NFAT5: variants seen among roughly 807,000 people sequenced by gnomAD.
NFAT5 encodes nuclear factor of activated T cells 5.
NFAT5 carries 31 observed loss-of-function variants against 166.5 expected under a neutral mutation model. The observed-to-expected ratio is 0.19, with a 90% confidence interval of 0.14 to 0.25. The LOEUF (loss-of-function observed/expected upper bound fraction) is 0.25. Ranked by LOEUF, NFAT5 falls within the 10% of genes least tolerant of loss-of-function variation. NFAT5 has a pLI of 1.00. For missense variants in NFAT5, 1,449 were observed against 1,821.8 expected (o/e 0.80, Z 3.72); for synonymous variants, 612 against 639.7 (o/e 0.96, Z 0.65).
intron 9 of NFAT5, chr16:69,676,980 G>A (rs542745970): frequency 1.6e-5 from 7 of 446,054 alleles, no homozygotes; most frequent in African/African-American, 1.0e-4. Flanking sequence ...AGTTGACAGG[G>A]CAGGGATCTT....
Position 69,566,261 on chromosome 16 carries a change from C to T in NFAT5, c.-41C>T, listed in dbSNP as rs1040437260. On this transcript the variant is annotated 5_prime_UTR_variant, in exon 1 of 15. Coordinates refer to ENST00000349945, the MANE Select transcript of NFAT5 (RefSeq NM_138713.4). This position sits in a 1 kb window ranked among gnomAD's most constrained non-coding sequence, Gnocchi z 5.7. Reference sequence around the variant, plus strand: ...GAGGTGCCGCCGCCACCGCCGCTCCCCCCCTCCCGCTGCCCTCGGGCCGGG... The same window carrying T: ...GAGGTGCCGCCGCCACCGCCGCTCCTCCCCTCCCGCTGCCCTCGGGCCGGG... 1.9e-6 allele frequency: 3 copies of T among 1,574,186 alleles called. No homozygotes were observed. The highest frequency in any genetic ancestry group is 2.3e-5 in the East Asian group (1 of 43,252).
At chr16:69,594,542 G>T (rs2032672524) in intron 2 of NFAT5, among the ~76,000 whole-genome samples, 1 of 152,090 alleles carries the variant, frequency 6.6e-6, no homozygotes, top group African/African-American at 2.4e-5. Flanking sequence ...GTATTAAGTG[G>T]CATATAGCAG....
chr16:69,571,672 A>T (rs1295908022), intron 2 of NFAT5, among the ~76,000 whole-genome samples: 1 of 152,024 alleles, frequency 6.6e-6, no homozygotes, highest in Non-Finnish European at 1.5e-5. Flanking sequence ...TAATTTTTTT[A>T]TAGAACGTAC....
In NFAT5 at chr16:69,659,847, G is replaced by A; in HGVS notation, c.1317G>A (p.Arg439=). 6.2e-7 allele frequency: 1 copy of A among 1,614,038 alleles called. No individual in the cohort carries two copies. Among genetic ancestry groups the A allele is most frequent in the South Asian group, 1.1e-5 (1 of 91,050 alleles). The part of the protein sequence containing the change: ...ARLVFRVNIM[R]KDGSTLTLQT... ...TGGTTTTTCGAGTTAATATCATGAG[G>A]AAAGATGGCTCCACTTTGACACTGC... is the stretch of plus-strand genomic sequence containing the variant. Residue 439 remains arginine (R), a synonymous_variant, in exon 7 of 15, where the codon AGG becomes AGA. Coordinates refer to ENST00000349945, the MANE Select transcript of NFAT5 (RefSeq NM_138713.4).
chr16:69,685,025 C>G (rs2151703168), intron 11 of NFAT5, 55 bp downstream of exon 11: 1 of 1,144,912 alleles, frequency 8.7e-7, no homozygotes, highest in East Asian at 2.4e-5. Flanking sequence ...TATGTTTTCT[C>G]TAGCACACCT....
rs1233855173 is a variant in NFAT5 at position 69,695,275 on chromosome 16, A to G, written c.4554A>G (p.Pro1518=). 1.2e-6 allele frequency: 2 copies of G among 1,613,836 alleles called. No individual in the cohort carries two copies. Among genetic ancestry groups the G allele is most frequent in the Non-Finnish European group, 1.7e-6 (2 of 1,179,864 alleles). ...CTCAGCAAATGCCAGAGAATTCTCC[A>G]CTGGCATCCTCTATAAACACCAACC... ...LLSQQMPENS[P]LASSINTNQN... Residue 1518 remains proline (P), a synonymous_variant, in exon 14 of 15, where the codon CCA becomes CCG. Coordinates refer to ENST00000349945, the MANE Select transcript of NFAT5 (RefSeq NM_138713.4).
In NFAT5 at chr16:69,608,105, A is replaced by AC. The variant is rs1447647388; in HGVS notation, c.128-18298_128-18297insC. 1.4e-3 allele frequency among the ~76,000 whole-genome samples: 212 copies of AC among 152,256 alleles called. 1 individual carries two copies. Among genetic ancestry groups the AC allele is most frequent in the African/African-American group, 4.2e-3 (173 of 41,552 alleles). The stretch of plus-strand genomic sequence containing the variant: ...CACGGTGGCTCACGCCTGTAATCCC[A>AC]GCACTTTGGGAGGCCAAAGTGGGCA... On this transcript the variant is annotated intron_variant, in intron 2 of 14. Transcript: ENST00000349945.
In NFAT5 at chr16:69,693,049, C is replaced by G; in HGVS notation, c.3224C>G (p.Ser1075Cys). The G allele has an allele frequency of 6.2e-7, 1 of 1,614,004 alleles. No individual in the cohort carries two copies. The highest frequency in any genetic ancestry group is 8.5e-7 in the Non-Finnish European group (1 of 1,180,024). ...GGGAATGAGATGATGTCACTTCAATCTGGAAATTTTTTGCAGCAGTCTTCT... is the reference window on the plus strand; with the variant it reads ...GGGAATGAGATGATGTCACTTCAATGTGGAAATTTTTTGCAGCAGTCTTCT... ...QQGNEMMSLQSGNFLQQSSHS... is the reference protein window; with the variant it reads ...QQGNEMMSLQCGNFLQQSSHS... Residue 1075 changes from serine (S) to cysteine (C), a missense_variant, in exon 13 of 15, where the codon TCT (serine) becomes TGT (cysteine). This residue lies in a region of NFAT5 where 891 missense variants were observed against 993.0 expected (regional missense o/e 0.90). Transcript: ENST00000349945.
At chr16:69,634,656 A>G (rs562561284) in intron 3 of NFAT5, among the ~76,000 whole-genome samples, 5 of 152,316 alleles carry the variant, frequency 3.3e-5, no homozygotes, top group South Asian at 4.1e-4. Context: ...AAGCACCTCA[A>G]AGTACCAGGT....
intron 2 of NFAT5, among the ~76,000 whole-genome samples, chr16:69,605,528 G>A (rs1184007190): frequency 9.2e-5 from 14 of 152,082 alleles, no homozygotes; most frequent in Admixed American, 9.2e-4. Flanking sequence ...CTTGGCGCTG[G>A]GCAAATGTTT....
At chr16:69,658,794 T>C (rs2036000799) in intron 6 of NFAT5, among the ~76,000 whole-genome samples, 1 of 151,920 alleles carries the variant, frequency 6.6e-6, no homozygotes, top group African/African-American at 2.4e-5. Context: ...GCCATTGCGC[T>C]CAGGCCTGGG....
intron 2 of NFAT5, among the ~76,000 whole-genome samples, chr16:69,570,883 G>A: frequency 6.6e-6 from 1 of 152,032 alleles, no homozygotes; most frequent in Admixed American, 6.6e-5. Flanking sequence ...AGCAATAATA[G>A]TGCCTCATCC....
intron 10 of NFAT5, among the ~76,000 whole-genome samples, chr16:69,678,664 A>C (rs1040730243): frequency 1.3e-5 from 2 of 152,236 alleles, no homozygotes; most frequent in Non-Finnish European, 2.9e-5. Context: ...TGCATGCTCC[A>C]TTGACCTAGG....
chr16:69,571,536 C>G (rs2016436701), intron 2 of NFAT5, among the ~76,000 whole-genome samples: 1 of 152,054 alleles, frequency 6.6e-6, no homozygotes, highest in African/African-American at 2.4e-5. Context: ...TATATACTAT[C>G]AAGTTCTGTC....
At chr16:69,602,157 A>G (rs1386936049) in intron 2 of NFAT5, among the ~76,000 whole-genome samples, 2 of 152,126 alleles carry the variant, frequency 1.3e-5, no homozygotes, top group East Asian at 3.9e-4. Context: ...TATAACTGAG[A>G]TGAAATAATC....
intron 3 of NFAT5, among the ~76,000 whole-genome samples, chr16:69,634,660 A>C (rs2034876524): frequency 6.6e-6 from 1 of 152,214 alleles, no homozygotes; most frequent in African/African-American, 2.4e-5. Flanking sequence ...ACCTCAAAGT[A>C]CCAGGTCTAT....
intron 7 of NFAT5, among the ~76,000 whole-genome samples, chr16:69,661,971 G>A (rs1054990727): frequency 2.0e-5 from 3 of 151,672 alleles, no homozygotes; most frequent in East Asian, 1.9e-4. Context: ...ACCTATAATC[G>A]GAGCACTTTG....
intron 13 of NFAT5, 32 bp downstream of exon 13, chr16:69,694,271 G>A: frequency 6.6e-7 from 1 of 1,519,370 alleles, no homozygotes. Context: ...TTACTTAATT[G>A]GTCATTATTA....
chr16:69,633,925 T>TGA (rs2034832346), intron 3 of NFAT5, among the ~76,000 whole-genome samples: 2 of 152,130 alleles, frequency 1.3e-5, no homozygotes, highest in Non-Finnish European at 2.9e-5. Flanking sequence ...TATCAGAACA[T>TGA]TATCTACCCC....
Sources: gnomAD v4.1 joint callset for allele counts (sites outside exome capture counted in the v4.1 genomes callset) on GRCh38, gnomAD v4.1.1 for gene constraint, gnomAD v4.1.1 regional missense constraint, Gnocchi (gnomAD v3.1) non-coding constraint, MANE v1.5 for transcripts, NCBI Gene and HGNC (gene_info 2026-07-23, HGNC 2026-07-21) for gene names.